ZNF131: variants seen among roughly 807,000 people sequenced by gnomAD.
The protein encoded by ZNF131 is zinc finger protein 131.
ZNF131 carries 7 observed loss-of-function variants against 60.0 expected under a neutral mutation model. That is an observed-to-expected ratio of 0.12 (90% CI 0.07 to 0.22). The LOEUF is 0.22. Ranked by LOEUF, ZNF131 falls within the 10% of genes least tolerant of loss-of-function variation. The pLI, the probability that ZNF131 is intolerant of heterozygous loss-of-function variation, is 1.00. For missense variants in ZNF131, 493 were observed against 740.9 expected, an observed-to-expected ratio of 0.67 and a Z score of 3.88; for synonymous variants, 257 against 253.2, an observed-to-expected ratio of 1.01 and a Z score of -0.14.
chr5:43,123,145 T>G, intron 2 of ZNF131, 64 bp from the exon 3 acceptor site: 1 of 1,315,246 alleles, frequency 7.6e-7, no homozygotes, highest in Non-Finnish European at 1.1e-6. Context: ...AAGTCTATTT[T>G]GTAGTTATAC....
chr5:43,132,505 CTTTTTTTTTTTTTTT>C (rs4050538), intron 3 of ZNF131, among the ~76,000 whole-genome samples: 1 of 93,504 alleles, frequency 1.1e-5, no homozygotes, highest in South Asian at 3.7e-4. Flanking sequence ...GAATGGTATT[CTTTTTTTTTTTTTTT>C]TTTTTTTTGA....
intron 3 of ZNF131, among the ~76,000 whole-genome samples, chr5:43,138,344 C>G (rs550121990): frequency 6.6e-6 from 1 of 152,212 alleles, no homozygotes; most frequent in Non-Finnish European, 1.5e-5. Flanking sequence ...AAGCATCCAA[C>G]TAGGAGGGTG....
chr5:43,153,076 T>C (rs1748523170), intron 4 of ZNF131, among the ~76,000 whole-genome samples: 1 of 152,162 alleles, frequency 6.6e-6, no homozygotes, highest in Non-Finnish European at 1.5e-5. Context: ...GGCAAGGACA[T>C]TTAAAACTTA....
intron 1 of ZNF131, 65 bp from the exon 2 acceptor site, chr5:43,121,974 G>C: frequency 2.0e-6 from 3 of 1,531,796 alleles, no homozygotes; most frequent in Middle Eastern, 1.9e-4. Context: ...GTTGTTTTAT[G>C]CTTTAGGGGT....
chr5:43,169,939 C>T (rs192799763), intron 5 of ZNF131, among the ~76,000 whole-genome samples: 60 of 151,994 alleles, frequency 3.9e-4, no homozygotes, highest in African/African-American at 1.4e-3. Flanking sequence ...TACAGGCACC[C>T]GCCGCCACGC....
chr5:43,175,706 A>T lies in ZNF131; in HGVS notation c.*573A>T. ...CAACAGAAAGAGTGGTGGTGGCAAA[A>T]TTTCTAGAATGTTAAAAAAAAAAAA... is the stretch of plus-strand genomic sequence containing the variant. On this transcript the variant is annotated 3_prime_UTR_variant, in exon 7 of 7. Transcript: ENST00000682664. The T allele has an allele frequency of 2.9e-6, 1 of 341,254 alleles. No homozygotes were observed. 21.1% of individuals were successfully genotyped at this position (341,254 alleles called of 1,614,324 possible). A position where few individuals can be genotyped will look rare whatever the true frequency, so the allele number is the denominator to read the frequency against.
intron 4 of ZNF131, among the ~76,000 whole-genome samples, chr5:43,144,737 T>C (rs1747359876): frequency 6.6e-6 from 1 of 152,106 alleles, no homozygotes; most frequent in Non-Finnish European, 1.5e-5. Context: ...CTCCAAATAT[T>C]TTATCCTGTC....
intron 4 of ZNF131, among the ~76,000 whole-genome samples, chr5:43,146,775 GTGCGCC>G (rs1747635258): frequency 6.6e-6 from 1 of 151,982 alleles, no homozygotes. Context: ...ACATGGTGGC[GTGCGCC>G]TATAGTCCCA....
chr5:43,174,832 A>C lies in ZNF131; in HGVS notation c.1571A>C (p.Tyr524Ser). The change falls in exon 7 of 7, where the codon TAT (tyrosine) becomes TCT (serine). Residue 524 changes from tyrosine to serine, a missense_variant. By Grantham distance (144) the Tyr-to-Ser change is moderately radical. This residue lies in a region of ZNF131 where 202 missense variants were observed against 221.3 expected (regional missense o/e 0.91). Transcript: ENST00000682664. Reference protein sequence around the residue: ...SELPEQVQVSYLEVGRIQTEE... With the variant: ...SELPEQVQVSSLEVGRIQTEE... ...CTTCCAGAGCAGGTCCAAGTGAGTTATCTAGAAGTGGGCCGAATTCAGACT... is the reference window on the plus strand; with the variant it reads ...CTTCCAGAGCAGGTCCAAGTGAGTTCTCTAGAAGTGGGCCGAATTCAGACT... 3.7e-6 allele frequency: 6 copies of C among 1,614,246 alleles called. No homozygotes were observed. Among genetic ancestry groups the C allele is most frequent in the Non-Finnish European group, 5.1e-6 (6 of 1,180,044 alleles).
At chr5:43,132,497 A>G (rs1745477712) in intron 3 of ZNF131, among the ~76,000 whole-genome samples, 1 of 147,136 alleles carries the variant, frequency 6.8e-6, no homozygotes, top group African/African-American at 2.5e-5. Flanking sequence ...AACTTCCTGA[A>G]TGGTATTCTT....
intron 4 of ZNF131, among the ~76,000 whole-genome samples, chr5:43,142,988 A>G (rs1747054770): frequency 6.7e-6 from 1 of 148,186 alleles, no homozygotes; most frequent in South Asian, 2.1e-4. Context: ...AAGCCACCAT[A>G]CTTGGCCAGA....
At chr5:43,143,349 A>G in intron 4 of ZNF131, 1 of 1,312,488 alleles carries the variant, frequency 7.6e-7, no homozygotes, top group Non-Finnish European at 9.7e-7. Flanking sequence ...GCAGTGATCC[A>G]GGATGGATTT....
chr5:43,150,760 A>G (rs368649816), intron 4 of ZNF131, among the ~76,000 whole-genome samples: 2 of 152,218 alleles, frequency 1.3e-5, no homozygotes, highest in Admixed American at 1.3e-4. Flanking sequence ...TTGGGCAACA[A>G]GAGTGAAACT....
In ZNF131 at chr5:43,136,362, A is replaced by AT. The variant is rs1344764384; in HGVS notation, c.227-2795dup. ...CAGTCCCTCTCAAAATCCTGATGGA[A>AT]TTTTTTTTGTTTTATGGAAACAGGA... On this transcript the variant is annotated intron_variant, in intron 3 of 6. Transcript: ENST00000682664. 5.9e-5 allele frequency among the ~76,000 whole-genome samples: 9 copies of AT among 151,646 alleles called. No homozygotes were observed. In the South Asian group the frequency reaches 6.2e-4, roughly 11 times the overall value.
rs540016457 is a variant in ZNF131, at chr5:43,140,392, A to C, written c.371+1083A>C. Among the ~76,000 whole-genome samples the C allele has an allele frequency of 1.1e-4, 17 of 152,326 alleles. 1 individual carries two copies. Among genetic ancestry groups the C allele is most frequent in the African/African-American group, 4.1e-4 (17 of 41,574 alleles). On this transcript the variant is annotated intron_variant, in intron 4 of 6. Transcript: ENST00000682664. The stretch of plus-strand genomic sequence containing the variant: ...CTGTGTGGCCTTAATTAAGTTACTT[A>C]ACCCTCCTGTCAGCTGTGTCCTCCT...
intron 5 of ZNF131, among the ~76,000 whole-genome samples, chr5:43,166,019 G>A (rs1013308997): frequency 2.0e-5 from 3 of 152,146 alleles, no homozygotes; most frequent in Non-Finnish European, 4.4e-5. Flanking sequence ...TCTAGCTTCT[G>A]CCCTTTCTTC....
At chr5:43,166,669 T>C (rs1750399384) in intron 5 of ZNF131, among the ~76,000 whole-genome samples, 2 of 149,848 alleles carry the variant, frequency 1.3e-5, no homozygotes, top group African/African-American at 4.9e-5. Context: ...GTGACCCTTT[T>C]TTTTGACACG....
chr5:43,123,193 T>G lies in ZNF131; in HGVS notation c.125-16T>G, dbSNP rs1364782978. Reference sequence around the variant, plus strand: ...TGCTTGTGTATGATTTTCTTTTTTTTTCTTATTTTACCTAGGACACCATTT... The same window carrying G: ...TGCTTGTGTATGATTTTCTTTTTTTGTCTTATTTTACCTAGGACACCATTT... On this transcript the variant is annotated splice_polypyrimidine_tract_variant and intron_variant, in intron 2 of 6. Coordinates refer to ENST00000682664, the MANE Select transcript of ZNF131 (RefSeq NM_001330707.2). 1 of 1,571,186 alleles carries G rather than the reference T, an allele frequency of 6.4e-7. No individual in the cohort carries two copies. Among genetic ancestry groups the G allele is most frequent in the South Asian group, 1.2e-5 (1 of 83,690 alleles).
chr5:43,134,562 C>A (rs1180779729), intron 3 of ZNF131, among the ~76,000 whole-genome samples: 1 of 152,112 alleles, frequency 6.6e-6, no homozygotes. Context: ...AGGAATCAAT[C>A]TCTTTTTGCA....
Sources: allele counts gnomAD v4.1 joint callset (sites outside exome capture counted in the v4.1 genomes callset), GRCh38; gene constraint gnomAD v4.1.1; regional missense constraint gnomAD v4.1.1; transcripts MANE v1.5; gene names NCBI Gene and HGNC (gene_info 2026-07-23, HGNC 2026-07-21).